Variants in CSMD1 observed in about 807,000 individuals in gnomAD.
CSMD1 encodes CUB and sushi domain-containing protein 1.
CSMD1 carries 213 observed loss-of-function variants against 417.5 expected under a neutral mutation model. The ratio of observed to expected loss-of-function variants is 0.51; its 90% CI spans 0.46 to 0.57. CSMD1 has a LOEUF of 0.57. CSMD1 is among the 20% of genes least tolerant of loss of function. The pLI is 0.00. For synonymous variants in CSMD1, 2,862 were observed against 1,736.8 expected, an observed-to-expected ratio of 1.65 and a Z score of -16.11; for missense variants, 6,923 against 4,529.7, an observed-to-expected ratio of 1.53 and a Z score of -15.17.
chr8:3,629,341 A>G (rs1429069804), intron 7 of CSMD1, among the ~76,000 whole-genome samples: 1 of 152,160 alleles, frequency 6.6e-6, no homozygotes, highest in Non-Finnish European at 1.5e-5. Flanking sequence ...TTCAGCTGAC[A>G]TTCAGATACA....
intron 12 of CSMD1, among the ~76,000 whole-genome samples, chr8:3,455,975 G>GTA (rs770067397): frequency 8.6e-4 from 131 of 152,242 alleles, no homozygotes; most frequent in Non-Finnish European, 1.6e-3. Flanking sequence ...CGAGCTTCCG[G>GTA]GCTGCTTTGT....
At chr8:4,386,762 G>A (rs896307100) in intron 3 of CSMD1, among the ~76,000 whole-genome samples, 19 of 152,166 alleles carry the variant, frequency 1.2e-4, no homozygotes, top group African/African-American at 4.6e-4. Context: ...ATTAGGGGTA[G>A]AAACAGTTGG....
chr8:3,570,391 T>C (rs1161772101), intron 10 of CSMD1, among the ~76,000 whole-genome samples: 2 of 152,160 alleles, frequency 1.3e-5, no homozygotes, highest in Non-Finnish European at 2.9e-5. Flanking sequence ...ACCACAGGCA[T>C]TTGACGCAAT....
At chr8:3,980,092 C>T (rs73658518) in intron 5 of CSMD1, among the ~76,000 whole-genome samples, 2,239 of 151,212 alleles carry the variant, frequency 0.015, 52 homozygotes, top group African/African-American at 0.051. Flanking sequence ...TAATTGATTA[C>T]TTTTGTCTGT....
chr8:4,378,980 A>G (rs765586175), intron 3 of CSMD1, among the ~76,000 whole-genome samples: 3 of 152,194 alleles, frequency 2.0e-5, no homozygotes, highest in Non-Finnish European at 2.9e-5. Context: ...ATATTTTGTA[A>G]TCACAGCTCA....
chr8:3,388,891 A>T (rs944544476), intron 17 of CSMD1, among the ~76,000 whole-genome samples: 1 of 114,932 alleles, frequency 8.7e-6, no homozygotes, highest in African/African-American at 3.4e-5. Context: ...CACCACACAC[A>T]TGCATACACA....
chr8:4,364,303 G>T (rs955265818), intron 3 of CSMD1, among the ~76,000 whole-genome samples: 2 of 152,104 alleles, frequency 1.3e-5, no homozygotes, highest in African/African-American at 2.4e-5. Context: ...GGAACATTAA[G>T]GTCCTCTTGA....
intron 2 of CSMD1, among the ~76,000 whole-genome samples, chr8:4,457,386 G>C (rs948796195): frequency 6.6e-6 from 1 of 152,064 alleles, no homozygotes; most frequent in African/African-American, 2.4e-5. Flanking sequence ...CCCGAGGTCT[G>C]GAACAGGAAG....
intron 1 of CSMD1, among the ~76,000 whole-genome samples, chr8:4,663,827 C>T (rs538306306): frequency 1.3e-5 from 2 of 152,318 alleles, no homozygotes; most frequent in East Asian, 3.9e-4. Flanking sequence ...CAGAACAAAT[C>T]CAGGATCGTC....
chr8:4,541,543 T>G (rs998977221), intron 2 of CSMD1, among the ~76,000 whole-genome samples: 2 of 150,764 alleles, frequency 1.3e-5, no homozygotes, highest in Non-Finnish European at 3.0e-5. Context: ...AGGTCAGGAG[T>G]TCAAGAACAG....
intron 5 of CSMD1, among the ~76,000 whole-genome samples, chr8:3,921,774 ATTTGT>A (rs1189842354): frequency 6.6e-6 from 1 of 152,120 alleles, no homozygotes; most frequent in East Asian, 1.9e-4. Flanking sequence ...ATCTTCTTTG[ATTTGT>A]TAAGAGTTGT....
chr8:3,137,645 C>T (rs1169943094), intron 41 of CSMD1, among the ~76,000 whole-genome samples: 2 of 152,202 alleles, frequency 1.3e-5, no homozygotes, highest in Non-Finnish European at 2.9e-5. Context: ...CTCTTGTATA[C>T]TTGAAGCCAT....
intron 10 of CSMD1, among the ~76,000 whole-genome samples, chr8:3,521,965 T>A (rs886334622): frequency 6.6e-6 from 1 of 152,224 alleles, no homozygotes; most frequent in Non-Finnish European, 1.5e-5. Flanking sequence ...AAAATGCAAT[T>A]AACAAAACTT....
At chr8:3,291,703 T>A (rs1043804041) in intron 25 of CSMD1, among the ~76,000 whole-genome samples, 2 of 151,636 alleles carry the variant, frequency 1.3e-5, no homozygotes, top group Non-Finnish European at 2.9e-5. Context: ...TATGTCTATT[T>A]GATTCTTCTC....
chr8:4,320,494 G>A (rs1472630030), intron 3 of CSMD1, among the ~76,000 whole-genome samples: 1 of 152,094 alleles, frequency 6.6e-6, no homozygotes, highest in Admixed American at 6.6e-5. Flanking sequence ...TTTTCCTAAT[G>A]CTATTCCTCC....
chr8:4,722,037 G>C (rs1288477506), intron 1 of CSMD1, among the ~76,000 whole-genome samples: 2 of 152,186 alleles, frequency 1.3e-5, no homozygotes, highest in African/African-American at 2.4e-5. Context: ...GGAGATGTCA[G>C]TCCAAAGTAT....
intron 13 of CSMD1, 79 bp from the exon 14 acceptor site, chr8:3,408,304 C>T (rs889284662): frequency 2.7e-6 from 3 of 1,114,812 alleles, no homozygotes; most frequent in Non-Finnish European, 3.8e-6. Flanking sequence ...AGCTAAGAAC[C>T]TGGAAAGGCA....
intron 68 of CSMD1, among the ~76,000 whole-genome samples, chr8:2,945,778 G>A (rs1802190618): frequency 6.6e-6 from 1 of 151,918 alleles, no homozygotes; most frequent in African/African-American, 2.4e-5. Flanking sequence ...TGGTTCCTTG[G>A]CTGTTGCAAC....
chr8:4,054,806 G>A (rs1186008631), intron 3 of CSMD1, among the ~76,000 whole-genome samples: 2 of 152,124 alleles, frequency 1.3e-5, no homozygotes, highest in Non-Finnish European at 2.9e-5. Context: ...AATGGAAACA[G>A]AAGCTCCTTC....
Sources: allele counts gnomAD v4.1 joint callset (sites outside exome capture counted in the v4.1 genomes callset), GRCh38; gene constraint gnomAD v4.1.1; transcripts MANE v1.5; gene names NCBI Gene and HGNC (gene_info 2026-07-23, HGNC 2026-07-21).